Variants in SLPI observed in about 807,000 individuals in gnomAD.
SLPI encodes antileukoproteinase.
SLPI carries 20 observed loss-of-function variants against 14.3 expected under a neutral mutation model. The ratio of observed to expected loss-of-function variants is 1.40; its 90% confidence interval spans 0.99 to 2.04. The LOEUF (loss-of-function observed/expected upper bound fraction) is 2.04, where lower values mean the gene tolerates loss of function less well. SLPI is among the 30% of genes most tolerant of loss of function. The pLI, the probability that SLPI is intolerant of heterozygous loss-of-function variation, is 0.00. For missense variants in SLPI, 169 were observed against 159.4 expected (o/e 1.06, Z -0.32); for synonymous variants, 68 against 54.8 (o/e 1.24, Z -1.07).
Position 45,253,001 on chromosome 20 carries a change from C to T in SLPI, c.394+1G>A. ...TCAGTGTGCCCTCATCCCCTGCTTA[C>T]CTTTCACAGGGGAAACGCAGGATTT... is the stretch of plus-strand genomic sequence containing the variant. On this transcript the variant is annotated splice_donor_variant, in intron 3 of 3. Coordinates refer to ENST00000338380, the MANE Select transcript of SLPI (RefSeq NM_003064.4). LOFTEE classifies it high-confidence loss of function. 1 of 1,613,696 alleles carries T rather than the reference C, an allele frequency of 6.2e-7. No individual in the cohort carries two copies. Among genetic ancestry groups the T allele is most frequent in the Non-Finnish European group, 8.5e-7 (1 of 1,179,760 alleles).
intron 1 of SLPI, 54 bp from the exon 2 acceptor site, chr20:45,253,787 C>CTG: frequency 6.5e-7 from 1 of 1,548,912 alleles, no homozygotes; most frequent in Middle Eastern, 1.8e-4. Flanking sequence ...GAGGACCCAT[C>CTG]ATGCCTCCTG....
Position 45,252,892 on chromosome 20 carries a change from C to T in SLPI, c.394+110G>A. ...GAAGGACAAGGGAGTCAGACAGAGGCTGTGCTTGGAGTAGGGTTCAGGAGT... is the reference window on the plus strand; with the variant it reads ...GAAGGACAAGGGAGTCAGACAGAGGTTGTGCTTGGAGTAGGGTTCAGGAGT... On this transcript the variant is annotated intron_variant, in intron 3 of 3. Transcript: ENST00000338380. The T allele has an allele frequency of 2.2e-5, 25 of 1,145,004 alleles. No individual in the cohort carries two copies. The South Asian group carries it at 3.3e-4, about 15-fold the overall frequency. The allele number at this position is 1,145,004 out of a possible 1,614,324, so 70.9% of individuals were successfully genotyped here. A position where few individuals can be genotyped will look rare whatever the true frequency, so the allele number is the denominator to read the frequency against.
In SLPI at chr20:45,253,590, C is replaced by G; in HGVS notation, c.229G>C (p.Asp77His). Residue 77 changes from aspartate (D) to histidine (H), a missense_variant, in exon 2 of 4, where the codon GAC becomes CAC. Asp to His is a moderately conservative substitution (Grantham distance 81, BLOSUM62 -1). Transcript: ENST00000338380. ...ACCTGCTTACTTGGGTTTGGGGTGT[C>G]AACAGGATCCAGGCATTTGATGCCA... The part of the protein sequence containing the change: ...TCGIKCLDPV[D>H]TPNPTRRKPG... 1 of 1,613,818 alleles carries G rather than the reference C, an allele frequency of 6.2e-7. No homozygotes were observed.
chr20:45,252,356 G>C lies in SLPI; in HGVS notation c.*59C>G. On this transcript the variant is annotated 3_prime_UTR_variant, in exon 4 of 4. Transcript: ENST00000338380. ...ATCAGTGGTGGAGCCAAGTCTCAGG[G>C]TGGAAAGGACCTGGACCACACAGAG... is the stretch of plus-strand genomic sequence containing the variant. The C allele has an allele frequency of 1.3e-6, 2 of 1,586,244 alleles. No individual in the cohort carries two copies. Among genetic ancestry groups the C allele is most frequent in the Non-Finnish European group, 1.7e-6 (2 of 1,159,612 alleles).
At chr20:45,253,788 A>G in intron 1 of SLPI, 55 bp from the exon 2 acceptor site, 1 of 1,534,794 alleles carries the variant, frequency 6.5e-7, no homozygotes, top group South Asian at 1.2e-5. Context: ...AGGACCCATC[A>G]TGCCTCCTGA....
chr20:45,252,548 T>A, intron 3 of SLPI, 129 bp from the exon 4 acceptor site: 1 of 886,608 alleles, frequency 1.1e-6, no homozygotes, highest in Non-Finnish European at 1.8e-6. Context: ...TGAGAGAGAC[T>A]TAGTGTCAGG....
rs979431492 is a variant in SLPI at position 45,253,298 on chromosome 20, C to G, written c.245-147G>C. On this transcript the variant is annotated intron_variant, in intron 2 of 3. Transcript: ENST00000338380. Reference sequence around the variant, plus strand: ...TATCACCACCACCTTCTCCCTAAGGCGGCCCCCAAACATAGCACCTGGCTC... The same window carrying G: ...TATCACCACCACCTTCTCCCTAAGGGGGCCCCCAAACATAGCACCTGGCTC... 2.9e-6 allele frequency: 3 copies of G among 1,034,096 alleles called. No individual in the cohort carries two copies. The African/African-American group carries it at 4.8e-5, about 17-fold the overall frequency. 64.1% of individuals were successfully genotyped at this position (1,034,096 alleles called of 1,614,324 possible).
Position 45,253,712 on chromosome 20 carries a change from G to A in SLPI, c.107C>T (p.Pro36Leu), listed in dbSNP as rs779591039. 3.7e-6 allele frequency: 6 copies of A among 1,614,100 alleles called. No homozygotes were observed. The highest frequency in any genetic ancestry group is 5.1e-6 in the Non-Finnish European group (6 of 1,179,996). Residue 36 changes from proline to leucine, a missense_variant, in exon 2 of 4, where the codon CCT becomes CTT. Physicochemically the swap from Pro to Leu is moderately conservative, Grantham distance 98. Transcript: ENST00000338380. ...SGKSFKAGVC[P>L]PKKSAQCLRY... ...AAGGCACTGGGCAGATTTCTTAGGA[G>A]GACAGACTCCAGCTTTGAAGGCTTT...
intron 1 of SLPI, 39 bp downstream of exon 1, chr20:45,254,420 C>T (rs1984758972): frequency 1.3e-6 from 2 of 1,567,056 alleles, no homozygotes; most frequent in African/African-American, 2.7e-5. Context: ...CCACCTCTGA[C>T]CCTGCAGCCC....
At chr20:45,252,496 G>A (rs1342565536) in intron 3 of SLPI, 77 bp from the exon 4 acceptor site, 21 of 1,499,204 alleles carry the variant, frequency 1.4e-5, no homozygotes, top group Admixed American at 1.7e-5. Context: ...CCTGCCCAAG[G>A]ATCCTTCTGA....
Position 45,252,513 on chromosome 20 carries a change from G to GA in SLPI, c.395-95dup, listed in dbSNP as rs1369366619. ...TGCCCAAGGATCCTTCTGAGATAGA[G>GA]AAAATAGCAAGATAGCGCTATAGTT... On this transcript the variant is annotated intron_variant, in intron 3 of 3. Coordinates refer to ENST00000338380, the MANE Select transcript of SLPI (RefSeq NM_003064.4). The GA allele has an allele frequency of 2.3e-6, 3 of 1,330,790 alleles. No individual in the cohort carries two copies. The East Asian group carries it at 6.9e-5, about 31-fold the overall frequency. The allele number at this position is 1,330,790 out of a possible 1,614,324, so 82.4% of individuals were successfully genotyped here.
At chr20:45,252,954 G>C in intron 3 of SLPI, 48 bp downstream of exon 3, 1 of 1,595,612 alleles carries the variant, frequency 6.3e-7, no homozygotes, top group Non-Finnish European at 8.6e-7. Context: ...AGAGGGTTGA[G>C]GCTGAGAGGG....
intron 1 of SLPI, 119 bp from the exon 2 acceptor site, chr20:45,253,852 A>G: frequency 2.4e-6 from 2 of 848,118 alleles, no homozygotes; most frequent in South Asian, 1.7e-5. Flanking sequence ...CTGTCCACAA[A>G]GCCCAAAGGG....
chr20:45,253,516 C>A lies in SLPI; in HGVS notation c.244+59G>T. ...GGCAGGACCCATCACCCAGTTCCAT[C>A]CCTCTAATGCTGTGTCCCCAGGCTC... On this transcript the variant is annotated intron_variant, in intron 2 of 3. Transcript: ENST00000338380. 4 of 1,515,680 alleles carry A rather than the reference C, an allele frequency of 2.6e-6. No homozygotes were observed. The Admixed American group carries it at 7.2e-5, about 27-fold the overall frequency. The allele number at this position is 1,515,680 out of a possible 1,614,324, so 93.9% of individuals were successfully genotyped here.
Position 45,252,996 on chromosome 20 carries a change from G to A in SLPI, c.394+6C>T, listed in dbSNP as rs774294060. 5.1e-5 allele frequency: 82 copies of A among 1,613,372 alleles called. No individual in the cohort carries two copies. Among genetic ancestry groups the A allele is most frequent in the Middle Eastern group, 5.0e-4 (3 of 6,004 alleles). ...GGAGCTCAGTGTGCCCTCATCCCCT[G>A]CTTACCTTTCACAGGGGAAACGCAG... On this transcript the variant is annotated splice_donor_region_variant and intron_variant, in intron 3 of 3. Coordinates refer to ENST00000338380, the MANE Select transcript of SLPI (RefSeq NM_003064.4).
chr20:45,253,246 CA>C, intron 2 of SLPI, 95 bp from the exon 3 acceptor site: 1 of 1,440,830 alleles, frequency 6.9e-7, no homozygotes, highest in Non-Finnish European at 9.4e-7. Flanking sequence ...CCAGCTTCAG[CA>C]GGGGGGATCA....
At chr20:45,253,875 G>T in intron 1 of SLPI, 142 bp from the exon 2 acceptor site, 1 of 677,118 alleles carries the variant, frequency 1.5e-6, no homozygotes, top group Non-Finnish European at 2.5e-6. Context: ...ATGCCTGCCT[G>T]ATCTCCAGGT....
At chr20:45,254,420 C>A in intron 1 of SLPI, 39 bp downstream of exon 1, 1 of 1,567,174 alleles carries the variant, frequency 6.4e-7, no homozygotes, top group Admixed American at 1.7e-5. Flanking sequence ...CCACCTCTGA[C>A]CCTGCAGCCC....
Position 45,253,017 on chromosome 20 carries a change from C to G in SLPI, c.379G>C (p.Val127Leu). The G allele has an allele frequency of 6.2e-7, 1 of 1,613,942 alleles. No homozygotes were observed. Among genetic ancestry groups the G allele is most frequent in the Non-Finnish European group, 8.5e-7 (1 of 1,179,918 alleles). ...CCCTGCTTACCTTTCACAGGGGAAACGCAGGATTTCCCACACATGCCCATG... is the reference window on the plus strand; with the variant it reads ...CCCTGCTTACCTTTCACAGGGGAAAGGCAGGATTTCCCACACATGCCCATG... Reference protein sequence around the residue: ...CCMGMCGKSCVSPVKA With the variant: ...CCMGMCGKSCLSPVKA The change falls in exon 3 of 4, where the codon GTT (valine) becomes CTT (leucine). Residue 127 changes from valine (V) to leucine (L), a missense_variant. Physicochemically the swap from Val to Leu is conservative, Grantham distance 32. Transcript: ENST00000338380.
Sources: allele counts gnomAD v4.1 joint callset, GRCh38; gene constraint gnomAD v4.1.1; transcripts MANE v1.5; gene names NCBI Gene and HGNC (gene_info 2026-07-23, HGNC 2026-07-21).